The following VAPB variants were observed in gnomAD, a reference collection of about 807,000 sequenced individuals.
VAPB encodes vesicle-associated membrane protein-associated protein B/C.
VAPB carries 7 observed loss-of-function variants against 25.6 expected under a neutral mutation model. The observed-to-expected ratio is 0.27, with a 90% CI of 0.16 to 0.51. The LOEUF (loss-of-function observed/expected upper bound fraction) is 0.51, where lower values mean the gene tolerates loss of function less well. VAPB is among the 20% of genes least tolerant of loss of function. VAPB has a pLI of 0.97. For missense variants in VAPB, 266 were observed against 301.3 expected (o/e 0.88, Z 0.87); for synonymous variants, 112 against 109.2 (o/e 1.03, Z -0.16).
chr20:58,403,959 C>T (rs1183880511), intron 1 of VAPB, among the ~76,000 whole-genome samples: 1 of 152,206 alleles, frequency 6.6e-6, no homozygotes, highest in Non-Finnish European at 1.5e-5. Flanking sequence ...TTCACATCTA[C>T]TCAGTCCATT....
intron 4 of VAPB, chr20:58,440,151 A>G (rs1197484129): frequency 6.6e-6 from 1 of 152,206 alleles, no homozygotes; most frequent in Admixed American, 6.5e-5. Context: ...AAGCTGTGAA[A>G]GCAGTATTCT....
chr20:58,440,840 A>G, intron 4 of VAPB, 67 bp from the exon 5 acceptor site: 1 of 1,502,702 alleles, frequency 6.7e-7, no homozygotes, highest in Non-Finnish European at 9.1e-7. Flanking sequence ...GAACTACTTT[A>G]CTTTGCATAA....
chr20:58,434,032 A>G (rs1400577168), intron 2 of VAPB, among the ~76,000 whole-genome samples: 1 of 152,008 alleles, frequency 6.6e-6, no homozygotes, highest in African/African-American at 2.4e-5. Flanking sequence ...TTCTTAGGGA[A>G]AAAAAAGGGG....
chr20:58,402,770 C>T (rs140284938), intron 1 of VAPB, among the ~76,000 whole-genome samples: 3 of 152,120 alleles, frequency 2.0e-5, no homozygotes, highest in South Asian at 2.1e-4. Flanking sequence ...TTTGGGACTC[C>T]GAGGCAAGCG....
intron 1 of VAPB, among the ~76,000 whole-genome samples, chr20:58,416,522 T>C (rs1331580232): frequency 1.0e-5 from 1 of 97,652 alleles, no homozygotes; most frequent in Non-Finnish European, 2.3e-5. Flanking sequence ...AGCAGTTTTC[T>C]GTGTTCACCA....
intron 5 of VAPB, among the ~76,000 whole-genome samples, chr20:58,443,485 C>G (rs1008640411): frequency 6.7e-6 from 1 of 148,508 alleles, no homozygotes; most frequent in Non-Finnish European, 1.5e-5. Context: ...GAGGTTTTAC[C>G]ATGTTGACCA....
intron 2 of VAPB, among the ~76,000 whole-genome samples, chr20:58,419,739 G>A (rs1369042899): frequency 6.6e-6 from 1 of 152,140 alleles, no homozygotes; most frequent in Non-Finnish European, 1.5e-5. Context: ...AAATTTTTCT[G>A]TTGACATCAA....
chr20:58,433,601 T>C (rs1315273162), intron 2 of VAPB, among the ~76,000 whole-genome samples: 1 of 152,186 alleles, frequency 6.6e-6, no homozygotes, highest in East Asian at 1.9e-4. Context: ...AGGTGTAACC[T>C]TGGGCAAATT....
intron 2 of VAPB, among the ~76,000 whole-genome samples, chr20:58,426,922 A>G (rs1351464058): frequency 6.6e-6 from 1 of 152,250 alleles, no homozygotes; most frequent in African/African-American, 2.4e-5. Flanking sequence ...GTTAGACTTT[A>G]TTTGCTCTGT....
At chr20:58,412,108 T>A (rs1034042201) in intron 1 of VAPB, among the ~76,000 whole-genome samples, 15 of 152,262 alleles carry the variant, frequency 9.9e-5, no homozygotes, top group African/African-American at 3.6e-4. Context: ...GATGTTTTTA[T>A]TTTTAATGAA....
In VAPB at chr20:58,444,070, C is replaced by G; in HGVS notation, c.574-7C>G. 6.2e-7 allele frequency: 1 copy of G among 1,614,144 alleles called. No individual in the cohort carries two copies. Among genetic ancestry groups the G allele is most frequent in the Middle Eastern group, 1.6e-4 (1 of 6,062 alleles). On this transcript the variant is annotated splice_polypyrimidine_tract_variant and splice_region_variant and intron_variant, in intron 5 of 5. Transcript: ENST00000475243. ...CTTGTCTTTGAAATGTGCGTTTGCT[C>G]CCGTAGGAAGAAGATGGACTGCGGA...
chr20:58,414,333 C>CA lies in VAPB; in HGVS notation c.59-3877dup, dbSNP rs920268270. Among the ~76,000 whole-genome samples the CA allele has an allele frequency of 7.4e-5, 11 of 149,026 alleles. No homozygotes were observed. The East Asian group carries it at 1.2e-3, about 17-fold the overall frequency. On this transcript the variant is annotated intron_variant, in intron 1 of 5. Transcript: ENST00000475243. ...GGCCTGGCGGGGGGCTGACCCCCCC[C>CA]ACCTCCCTCCCGGACGGGGCGGCCG...
At chr20:58,405,034 G>T (rs1317329972) in intron 1 of VAPB, among the ~76,000 whole-genome samples, 2 of 152,078 alleles carry the variant, frequency 1.3e-5, no homozygotes, top group Non-Finnish European at 2.9e-5. Context: ...ATATGATGTG[G>T]TGTCAGGCAG....
At chr20:58,396,671 C>T (rs528837719) in intron 1 of VAPB, among the ~76,000 whole-genome samples, 14 of 152,080 alleles carry the variant, frequency 9.2e-5, no homozygotes, top group African/African-American at 1.9e-4. Context: ...CCCGTTGGGT[C>T]GGGTCTGGAG....
rs1249314553 is a variant in VAPB at position 58,389,443 on chromosome 20, C to G, written c.-17C>G. ...CTCAGGGGTCTCCCCGCCAAAGGTG[C>G]TCCGCCGCTAAGGAACATGGCGAAG... On this transcript the variant is annotated 5_prime_UTR_variant, in exon 1 of 6. Transcript: ENST00000475243. 1.3e-6 allele frequency: 2 copies of G among 1,587,118 alleles called. No homozygotes were observed. The highest frequency in any genetic ancestry group is 1.2e-5 in the South Asian group (1 of 86,802).
intron 3 of VAPB, among the ~76,000 whole-genome samples, chr20:58,437,126 C>T (rs940497856): frequency 1.3e-5 from 2 of 150,520 alleles, no homozygotes; most frequent in Non-Finnish European, 3.0e-5. Context: ...GCCACCATGC[C>T]GGCTATTTTT....
intron 1 of VAPB, among the ~76,000 whole-genome samples, chr20:58,401,056 C>G (rs1366078257): frequency 1.3e-5 from 2 of 152,232 alleles, no homozygotes; most frequent in African/African-American, 2.4e-5. Flanking sequence ...CACCTCTAAC[C>G]TCGCTCAGAG....
intron 1 of VAPB, among the ~76,000 whole-genome samples, chr20:58,414,604 C>T (rs1462199452): frequency 6.1e-5 from 9 of 148,520 alleles, no homozygotes; most frequent in Non-Finnish European, 1.3e-4. Flanking sequence ...GGGGCAGAGG[C>T]GCTCCCCACA....
chr20:58,446,225 T>TA lies in VAPB; in HGVS notation c.*1991dup, dbSNP rs1282603242. ...TTTTTCCCATGTGTCCCCCAGTACT[T>TA]ATAAAAGGGAGTGAAAAGACCGAGC... is the stretch of plus-strand genomic sequence containing the variant. On this transcript the variant is annotated 3_prime_UTR_variant, in exon 6 of 6. Coordinates refer to ENST00000475243, the MANE Select transcript of VAPB (RefSeq NM_004738.5). The TA allele has an allele frequency of 2.2e-6, 1 of 453,942 alleles. No individual in the cohort carries two copies. The highest frequency in any genetic ancestry group is 4.4e-6 in the Non-Finnish European group (1 of 226,780). 28.1% of individuals were successfully genotyped at this position (453,942 alleles called of 1,614,324 possible). A position where few individuals can be genotyped will look rare whatever the true frequency, so the allele number is the denominator to read the frequency against.
Sources: gnomAD v4.1 joint callset for allele counts (sites outside exome capture counted in the v4.1 genomes callset) on GRCh38, gnomAD v4.1.1 for gene constraint, MANE v1.5 for transcripts, NCBI Gene and HGNC (gene_info 2026-07-23, HGNC 2026-07-21) for gene names.